Variants in ELAPOR2 observed in about 807,000 individuals in gnomAD.
ELAPOR2 encodes the protein endosome/lysosome-associated apoptosis and autophagy regulator family member 2.
Under a neutral mutation model 120.7 loss-of-function variants are expected in ELAPOR2, and 89 were observed. That is an observed-to-expected ratio of 0.74 (90% CI 0.62 to 0.88). ELAPOR2 has a LOEUF of 0.88. Ranked by LOEUF, ELAPOR2 falls within the 40% of genes least tolerant of loss-of-function variation. The pLI, the probability that ELAPOR2 is intolerant of heterozygous loss-of-function variation, is 0.00. For missense variants in ELAPOR2, 1,134 were observed against 1,251.6 expected (o/e 0.91, Z 1.42); for synonymous variants, 444 against 444.9 (o/e 1.00, Z 0.03).
intron 1 of ELAPOR2, among the ~76,000 whole-genome samples, chr7:87,039,934 A>T (rs1478535004): frequency 6.6e-6 from 1 of 152,208 alleles, no homozygotes; most frequent in African/African-American, 2.4e-5. Flanking sequence ...GAGCCAAAGC[A>T]GGGTGAGGCA....
chr7:86,892,702 C>T (rs1166139039), intron 20 of ELAPOR2, among the ~76,000 whole-genome samples: 2 of 151,990 alleles, frequency 1.3e-5, no homozygotes, highest in Non-Finnish European at 2.9e-5. Flanking sequence ...ATAAATGACT[C>T]TAACTCAATG....
At chr7:86,964,741 G>A (rs1791841943) in intron 2 of ELAPOR2, among the ~76,000 whole-genome samples, 163 bp downstream of exon 2, 1 of 152,088 alleles carries the variant, frequency 6.6e-6, no homozygotes, top group Non-Finnish European at 1.5e-5. Flanking sequence ...TGAGATATAA[G>A]GACATCTAGT....
chr7:86,991,343 T>C (rs951515511), intron 1 of ELAPOR2, among the ~76,000 whole-genome samples: 1 of 152,138 alleles, frequency 6.6e-6, no homozygotes, highest in African/African-American at 2.4e-5. Flanking sequence ...CAGTCAAACA[T>C]TCCACTGGGT....
At chr7:86,963,190 T>C (rs1791782682) in intron 2 of ELAPOR2, among the ~76,000 whole-genome samples, 2 of 152,220 alleles carry the variant, frequency 1.3e-5, no homozygotes, top group Admixed American at 6.5e-5. Flanking sequence ...TAATAACTAA[T>C]AGTGACCTGA....
At chr7:86,983,444 G>A (rs191605180) in intron 1 of ELAPOR2, among the ~76,000 whole-genome samples, 21 of 151,706 alleles carry the variant, frequency 1.4e-4, no homozygotes, top group African/African-American at 4.8e-4. Context: ...AGAGAAGGTC[G>A]GGTTACCCAC....
chr7:86,889,818 G>A (rs1788049672), intron 21 of ELAPOR2, among the ~76,000 whole-genome samples: 1 of 151,950 alleles, frequency 6.6e-6, no homozygotes, highest in Non-Finnish European at 1.5e-5. Flanking sequence ...CAAATCTTAT[G>A]GAGGAAATAT....
At chr7:87,057,146 G>A (rs536430874) in intron 1 of ELAPOR2, among the ~76,000 whole-genome samples, 34 of 152,148 alleles carry the variant, frequency 2.2e-4, no homozygotes, top group Admixed American at 3.3e-4. Flanking sequence ...ATTCACAGGC[G>A]TTTAGCCCAC....
chr7:86,932,459 A>G (rs535553510), intron 8 of ELAPOR2, among the ~76,000 whole-genome samples: 9 of 151,990 alleles, frequency 5.9e-5, no homozygotes, highest in Non-Finnish European at 1.2e-4. Flanking sequence ...TTGAAAGGAA[A>G]CATGTGAATC....
intron 10 of ELAPOR2, chr7:86,919,718 A>G (rs1789737647): frequency 6.5e-6 from 1 of 154,238 alleles, no homozygotes; most frequent in East Asian, 1.9e-4. Flanking sequence ...AGTTTGCTGT[A>G]CTGTTGTTCC....
chr7:87,055,532 CCT>C (rs1297557711), intron 1 of ELAPOR2, among the ~76,000 whole-genome samples: 1 of 152,096 alleles, frequency 6.6e-6, no homozygotes, highest in Admixed American at 6.6e-5. Context: ...ATGTTTCTGC[CCT>C]TTTTCAATCT....
At chr7:86,900,906 G>A (rs1788692300) in intron 18 of ELAPOR2, among the ~76,000 whole-genome samples, 1 of 152,118 alleles carries the variant, frequency 6.6e-6, no homozygotes, top group Admixed American at 6.6e-5. Context: ...CAGTAAAATA[G>A]ATAAATGTTT....
chr7:86,934,774 C>T (rs111853608), intron 8 of ELAPOR2, among the ~76,000 whole-genome samples: 64 of 152,002 alleles, frequency 4.2e-4, no homozygotes, highest in African/African-American at 1.5e-3. Context: ...ACATAATGGC[C>T]CTTCCAATAT....
chr7:87,058,748 CTT>C (rs1027133790), intron 1 of ELAPOR2, among the ~76,000 whole-genome samples: 2 of 151,938 alleles, frequency 1.3e-5, no homozygotes, highest in Non-Finnish European at 2.9e-5. Context: ...GTACATACTC[CTT>C]TTTTTTCCCC....
At chr7:87,040,013 G>A (rs571816221) in intron 1 of ELAPOR2, among the ~76,000 whole-genome samples, 3 of 151,836 alleles carry the variant, frequency 2.0e-5, no homozygotes, top group African/African-American at 4.8e-5. Context: ...GGTGACGGAC[G>A]GCACCTGGAA....
intron 1 of ELAPOR2, among the ~76,000 whole-genome samples, chr7:87,015,072 A>C (rs1034006323): frequency 6.6e-6 from 1 of 152,214 alleles, no homozygotes; most frequent in Non-Finnish European, 1.5e-5. Context: ...TCACCATATA[A>C]TAAATAAATT....
chr7:87,038,052 TA>T (rs1264833837), intron 1 of ELAPOR2, among the ~76,000 whole-genome samples: 1 of 152,192 alleles, frequency 6.6e-6, no homozygotes, highest in African/African-American at 2.4e-5. Context: ...GATGAGCTAA[TA>T]AACATATGAA....
chr7:87,054,792 C>T (rs1306615551), intron 1 of ELAPOR2, among the ~76,000 whole-genome samples: 1 of 152,234 alleles, frequency 6.6e-6, no homozygotes, highest in East Asian at 1.9e-4. Context: ...AGGAAACACT[C>T]TGGTGCTGAG....
chr7:87,006,881 C>A (rs1370268530), intron 1 of ELAPOR2, among the ~76,000 whole-genome samples: 1 of 152,140 alleles, frequency 6.6e-6, no homozygotes, highest in Non-Finnish European at 1.5e-5. Flanking sequence ...TAAAAAGAAA[C>A]AAACTGCTGA....
intron 1 of ELAPOR2, among the ~76,000 whole-genome samples, chr7:87,046,922 C>T (rs1409162656): frequency 6.6e-6 from 1 of 152,126 alleles, no homozygotes; most frequent in Non-Finnish European, 1.5e-5. Flanking sequence ...AATCAAATTA[C>T]CAGACTTCAA....
Sources: allele counts gnomAD v4.1 joint callset (sites outside exome capture counted in the v4.1 genomes callset), GRCh38; gene constraint gnomAD v4.1.1; transcripts MANE v1.5; gene names NCBI Gene and HGNC (gene_info 2026-07-23, HGNC 2026-07-21).